Variants in CACNA1E observed in about 807,000 individuals in gnomAD.
The protein encoded by CACNA1E is calcium voltage-gated channel subunit alpha1 E, also known as voltage-dependent R-type calcium channel subunit alpha-1E.
In CACNA1E, 40 loss-of-function variants were observed where a neutral mutation model predicts 259.2. The observed-to-expected ratio is 0.15, with a 90% CI of 0.12 to 0.20. The LOEUF is 0.20. Among genes scored for constraint, CACNA1E ranks in the 10% least tolerant of loss-of-function variants. The pLI, the probability that CACNA1E is intolerant of heterozygous loss-of-function variation, is 1.00. For missense variants in CACNA1E, 1,874 were observed against 3,040.1 expected, an observed-to-expected ratio of 0.62 and a Z score of 9.02; for synonymous variants, 1,104 against 1,138.5, an observed-to-expected ratio of 0.97 and a Z score of 0.61.
chr1:181,367,253 C>T (rs2609475), intron 1 of CACNA1E, among the ~76,000 whole-genome samples: 29,979 of 152,122 alleles, frequency 0.2, 3,151 homozygotes, highest in African/African-American at 0.27. Context: ...GGCCTGGTGC[C>T]TCACCCAAAG....
At chr1:181,493,815 G>A (rs1664513711) in intron 1 of CACNA1E, among the ~76,000 whole-genome samples, 1 of 152,248 alleles carries the variant, frequency 6.6e-6, no homozygotes, top group Non-Finnish European at 1.5e-5. Context: ...TGATGAGTCA[G>A]AAAGCTTAAG....
chr1:181,575,047 T>C (rs1255875829), intron 3 of CACNA1E, among the ~76,000 whole-genome samples: 1 of 151,332 alleles, frequency 6.6e-6, no homozygotes, highest in Non-Finnish European at 1.5e-5. Flanking sequence ...AGAATCCCAT[T>C]GTCCCTGCTT....
intron 25 of CACNA1E, among the ~76,000 whole-genome samples, chr1:181,744,877 T>C (rs1358015180): frequency 6.6e-6 from 1 of 152,212 alleles, no homozygotes; most frequent in Non-Finnish European, 1.5e-5. Flanking sequence ...AAGTAGCCCA[T>C]TAACTGTGGA....
At chr1:181,400,575 C>A (rs1159610844) in intron 1 of CACNA1E, among the ~76,000 whole-genome samples, 1 of 152,144 alleles carries the variant, frequency 6.6e-6, no homozygotes, top group Non-Finnish European at 1.5e-5. Context: ...TCCTCCTTGC[C>A]CAAGCCTCGA....
intron 2 of CACNA1E, among the ~76,000 whole-genome samples, chr1:181,460,881 C>A (rs137962173): frequency 6.2e-4 from 95 of 152,288 alleles, no homozygotes; most frequent in African/African-American, 2.2e-3. Context: ...AGTTTCTCAT[C>A]TGCAATATGG....
chr1:181,729,711 A>G (rs1382180054), intron 18 of CACNA1E, among the ~76,000 whole-genome samples: 2 of 152,172 alleles, frequency 1.3e-5, no homozygotes, highest in East Asian at 3.9e-4. Context: ...GTATGAATGT[A>G]AGTTTGAATC....
At chr1:181,729,301 G>GGT (rs1655243404) in intron 18 of CACNA1E, among the ~76,000 whole-genome samples, 1 of 152,142 alleles carries the variant, frequency 6.6e-6, no homozygotes, top group South Asian at 2.1e-4. Flanking sequence ...GCTCTGCACA[G>GGT]GTGTGTGTGC....
chr1:181,637,887 G>A (rs529309354), intron 6 of CACNA1E, among the ~76,000 whole-genome samples: 97 of 152,296 alleles, frequency 6.4e-4, no homozygotes, highest in African/African-American at 2.3e-3. Context: ...GACAACATGA[G>A]CAATAGTGTA....
At chr1:181,420,894 C>A (rs1427039203) in intron 2 of CACNA1E, among the ~76,000 whole-genome samples, 1 of 152,142 alleles carries the variant, frequency 6.6e-6, no homozygotes, top group South Asian at 2.1e-4. Context: ...ATGTCTGTGT[C>A]CCCCACTAGA....
chr1:181,664,922 T>C (rs1284307713), intron 7 of CACNA1E, among the ~76,000 whole-genome samples: 1 of 152,240 alleles, frequency 6.6e-6, no homozygotes, highest in Non-Finnish European at 1.5e-5. Flanking sequence ...CATTTATCCT[T>C]TTTAAAGCGA....
intron 6 of CACNA1E, among the ~76,000 whole-genome samples, chr1:181,623,386 A>C (rs543193167): frequency 2.6e-5 from 4 of 152,256 alleles, no homozygotes; most frequent in Non-Finnish European, 5.9e-5. Context: ...GAGAGTAGGC[A>C]CAGAAAAAGT....
intron 2 of CACNA1E, among the ~76,000 whole-genome samples, chr1:181,432,758 A>G (rs1659808000): frequency 6.6e-6 from 1 of 152,194 alleles, no homozygotes; most frequent in Non-Finnish European, 1.5e-5. Flanking sequence ...TAACCTCACT[A>G]GCTCAGTTTT....
intron 6 of CACNA1E, among the ~76,000 whole-genome samples, chr1:181,646,324 C>T (rs771187379): frequency 2.6e-5 from 4 of 152,194 alleles, no homozygotes; most frequent in Admixed American, 1.3e-4. Flanking sequence ...GCTGCTAAGG[C>T]ACACACAGGA....
chr1:181,678,032 T>C (rs1386790942), intron 7 of CACNA1E, among the ~76,000 whole-genome samples: 5 of 152,164 alleles, frequency 3.3e-5, no homozygotes, highest in East Asian at 3.8e-4. Flanking sequence ...AGGATGACCA[T>C]GCGGGACATA....
intron 1 of CACNA1E, among the ~76,000 whole-genome samples, chr1:181,495,528 A>T (rs1279238882): frequency 6.6e-6 from 1 of 152,236 alleles, no homozygotes; most frequent in Non-Finnish European, 1.5e-5. Flanking sequence ...TTATTAGTAT[A>T]TGGTTAATTT....
At chr1:181,783,023 C>T (rs1486668758) in intron 39 of CACNA1E, among the ~76,000 whole-genome samples, 1 of 152,182 alleles carries the variant, frequency 6.6e-6, no homozygotes, top group African/African-American at 2.4e-5. Flanking sequence ...CTTCCTCGTT[C>T]TGTCTCCTCC....
At chr1:181,429,957 T>G (rs1273327616) in intron 2 of CACNA1E, among the ~76,000 whole-genome samples, 1 of 152,248 alleles carries the variant, frequency 6.6e-6, no homozygotes, top group East Asian at 1.9e-4. Flanking sequence ...CTTGTGCTCA[T>G]GGGGCCTGCC....
chr1:181,556,683 G>A (rs1383387406), intron 3 of CACNA1E, among the ~76,000 whole-genome samples: 4 of 152,196 alleles, frequency 2.6e-5, no homozygotes, highest in African/African-American at 9.7e-5. Context: ...CATGGCCTCA[G>A]ACCACATTTT....
At chr1:181,519,067 C>T (rs981588630) in intron 3 of CACNA1E, among the ~76,000 whole-genome samples, 1 of 152,120 alleles carries the variant, frequency 6.6e-6, no homozygotes, top group Non-Finnish European at 1.5e-5. Context: ...CATTTGAAGG[C>T]AGTTAAACTC....
Sources: allele counts gnomAD v4.1 joint callset (sites outside exome capture counted in the v4.1 genomes callset), GRCh38; gene constraint gnomAD v4.1.1; transcripts MANE v1.5; gene names NCBI Gene and HGNC (gene_info 2026-07-23, HGNC 2026-07-21).